The following KLF17 variants were observed in gnomAD, a reference collection of about 807,000 sequenced individuals.
KLF17 encodes KLF transcription factor 17.
KLF17 carries 31 observed loss-of-function variants against 34.2 expected under a neutral mutation model. The ratio of observed to expected loss-of-function variants is 0.91; its 90% CI spans 0.68 to 1.22. The LOEUF (loss-of-function observed/expected upper bound fraction) is 1.22. Ranked by LOEUF, KLF17 falls within the 50% of genes most tolerant of loss-of-function variation. The pLI is 0.00. For synonymous variants in KLF17, 179 were observed against 186.7 expected, an observed-to-expected ratio of 0.96 and a Z score of 0.34; for missense variants, 478 against 505.2, an observed-to-expected ratio of 0.95 and a Z score of 0.52.
intron 1 of KLF17, among the ~76,000 whole-genome samples, chr1:44,125,858 T>C (rs1301055528): frequency 6.6e-6 from 1 of 152,126 alleles, no homozygotes; most frequent in African/African-American, 2.4e-5. Context: ...TGTATTCATA[T>C]CTGGAAGTCT....
At chr1:44,127,692 T>TTCTTTTCTTTCTTTCTTTCTTTTTCTTTC (rs753421834) in intron 1 of KLF17, among the ~76,000 whole-genome samples, 140 of 90,114 alleles carry the variant, frequency 1.6e-3, no homozygotes, top group African/African-American at 7.2e-3. Flanking sequence ...CTTTCTTTCT[T>TTCTTTTCTTTCTTTCTTTCTTTTTCTTTC]TTTCTTTCTT....
the KLF17 span, among the ~76,000 whole-genome samples, chr1:44,083,884 GGGT>G: frequency 2.0e-5 from 3 of 152,018 alleles, no homozygotes; most frequent in Non-Finnish European, 2.9e-5. Flanking sequence ...CAGGGTGCAT[GGGT>G]GGTGAGTACA....
the KLF17 span, among the ~76,000 whole-genome samples, chr1:44,096,099 G>A: frequency 1.8e-3 from 271 of 151,936 alleles, 1 homozygote; most frequent in Middle Eastern, 0.01. Flanking sequence ...GTGTCACCAT[G>A]CCCAGCTAAC....
At position 44,130,008 on chromosome 1, in the gene KLF17, A is replaced by G. The variant is rs776418350; in HGVS notation, c.737A>G (p.Gln246Arg). The change falls in exon 2 of 4, where the codon CAA becomes CGA. Residue 246 changes from glutamine (Q) to arginine (R), a missense_variant. Transcript: ENST00000372299. ...QDSLVSQPDS[Q>R]EGPFLPEQPG... Reference sequence around the variant, plus strand: ...TCTCTTGTCAGTCAGCCAGACTCTCAAGAAGGCCCATTTCTACCAGAGCAG... The same window carrying G: ...TCTCTTGTCAGTCAGCCAGACTCTCGAGAAGGCCCATTTCTACCAGAGCAG... The G allele has an allele frequency of 3.7e-6, 6 of 1,613,696 alleles. No individual in the cohort carries two copies. The South Asian group carries it at 6.6e-5, about 18-fold the overall frequency.
the KLF17 span, among the ~76,000 whole-genome samples, chr1:44,078,984 C>A: frequency 6.6e-6 from 1 of 152,104 alleles, no homozygotes; most frequent in East Asian, 1.9e-4. Context: ...CGTGCCTGGC[C>A]CCTCCATGTC....
chr1:44,055,320 C>T, the KLF17 span, among the ~76,000 whole-genome samples: 9 of 152,298 alleles, frequency 5.9e-5, no homozygotes, highest in East Asian at 1.7e-3. Context: ...TCAGTTGTAA[C>T]CCATTTCTCA....
chr1:44,127,639 CTTCTTTCTTTCTTTCT>C (rs34643385), intron 1 of KLF17, among the ~76,000 whole-genome samples: 985 of 77,280 alleles, frequency 0.013, 11 homozygotes, highest in Admixed American at 0.023. Flanking sequence ...CTTTTCTTTC[CTTCTTTCTTTCTTTCT>C]TTCTTTCTTT....
the KLF17 span, among the ~76,000 whole-genome samples, chr1:44,099,877 GA>G: frequency 4.9e-4 from 27 of 54,738 alleles, 2 homozygotes; most frequent in African/African-American, 1.5e-3. Flanking sequence ...AAGAAAGAAA[GA>G]AAGAAAGAAA....
chr1:44,058,877 T>C, the KLF17 span, among the ~76,000 whole-genome samples: 1 of 151,710 alleles, frequency 6.6e-6, no homozygotes, highest in Non-Finnish European at 1.5e-5. Flanking sequence ...CCTCCAAGCC[T>C]TTTGGAGGCT....
intron 1 of KLF17, among the ~76,000 whole-genome samples, chr1:44,127,712 CTTCTCTTTTCTTTCTTTCTTCTCT>C (rs2088040973): frequency 4.1e-5 from 3 of 73,928 alleles, no homozygotes; most frequent in Non-Finnish European, 5.2e-5. Flanking sequence ...TTCTTTCTTT[CTTCTCTTTTCTTTCTTTCTTCTCT>C]TTTCTTTCTT....
chr1:44,105,395 A>G, the KLF17 span: 1 of 151,812 alleles, frequency 6.6e-6, no homozygotes, highest in Non-Finnish European at 1.5e-5. Flanking sequence ...AACATGAAGC[A>G]TAACCTGAAG....
At chr1:44,045,599 G>A in the KLF17 span, among the ~76,000 whole-genome samples, 1 of 152,144 alleles carries the variant, frequency 6.6e-6, no homozygotes, top group South Asian at 2.1e-4. Flanking sequence ...CTGGAATTTG[G>A]AAACGTTGCA....
the KLF17 span, chr1:44,104,511 C>T: frequency 2.3e-5 from 17 of 740,590 alleles, no homozygotes; most frequent in African/African-American, 1.0e-4. Context: ...CTCCTGGGTG[C>T]GCATGGCCTG....
At chr1:44,119,141 T>C (rs1304661051) in intron 1 of KLF17, among the ~76,000 whole-genome samples, 153 bp downstream of exon 1, 5 of 113,914 alleles carry the variant, frequency 4.4e-5, no homozygotes, top group African/African-American at 1.4e-4. Flanking sequence ...GAATGGGAGA[T>C]TGGGGAGGGG....
At chr1:44,048,820 GTTTTC>G in the KLF17 span, among the ~76,000 whole-genome samples, 2 of 147,630 alleles carry the variant, frequency 1.4e-5, no homozygotes, top group East Asian at 1.9e-4. Context: ...ATAATGATTA[GTTTTC>G]TTTGTTTTTA....
chr1:44,102,870 G>A, the KLF17 span, among the ~76,000 whole-genome samples: 1 of 151,784 alleles, frequency 6.6e-6, no homozygotes, highest in Admixed American at 6.6e-5. Context: ...AATGTTGCTT[G>A]ATATCTTGTC....
intron 1 of KLF17, among the ~76,000 whole-genome samples, chr1:44,127,700 CTT>C (rs1427151546): frequency 0.013 from 1,332 of 101,130 alleles, 41 homozygotes; most frequent in African/African-American, 0.053. Context: ...CTTTTTCTTT[CTT>C]TCTTTCTTTC....
rs781693069 is a variant in KLF17, at chr1:44,127,216, C to G, written c.82-2137C>G. 7.2e-5 allele frequency among the ~76,000 whole-genome samples: 11 copies of G among 152,232 alleles called. No individual in the cohort carries two copies. The South Asian group carries it at 1.0e-3, about 14-fold the overall frequency. Reference sequence around the variant, plus strand: ...GAGCCACTGTGCCTAGCAATACTAACTTATTTTAAACCATATTGCTAAAAA... The same window carrying G: ...GAGCCACTGTGCCTAGCAATACTAAGTTATTTTAAACCATATTGCTAAAAA... On this transcript the variant is annotated intron_variant, in intron 1 of 3. Coordinates refer to ENST00000372299, the MANE Select transcript of KLF17 (RefSeq NM_173484.4).
At chr1:44,133,087 G>A (rs1192126317) in intron 3 of KLF17, among the ~76,000 whole-genome samples, 151 bp from the exon 4 acceptor site, 1 of 152,160 alleles carries the variant, frequency 6.6e-6, no homozygotes, top group East Asian at 1.9e-4. Flanking sequence ...GTCTTGATCT[G>A]GGGGCTCAGA....
Sources: allele counts gnomAD v4.1 joint callset (sites outside exome capture counted in the v4.1 genomes callset), GRCh38; gene constraint gnomAD v4.1.1; transcripts MANE v1.5; gene names NCBI Gene and HGNC (gene_info 2026-07-23, HGNC 2026-07-21).